The following MYBL1 variants were observed in gnomAD, a reference collection of about 807,000 sequenced individuals.
The protein encoded by MYBL1 is myb-related protein A.
MYBL1 carries 17 observed loss-of-function variants against 96.3 expected under a neutral mutation model. That is an observed-to-expected ratio of 0.18 (90% CI 0.12 to 0.26). MYBL1 has a LOEUF of 0.26. MYBL1 is among the 10% of genes least tolerant of loss of function. The pLI is 1.00. For synonymous variants in MYBL1, 282 were observed against 292.7 expected, an observed-to-expected ratio of 0.96 and a Z score of 0.37; for missense variants, 701 against 882.9, an observed-to-expected ratio of 0.79 and a Z score of 2.61.
At chr8:66,583,535 A>G (rs73248134) in intron 8 of MYBL1, among the ~76,000 whole-genome samples, 19,026 of 151,916 alleles carry the variant, frequency 0.13, 2,793 homozygotes, top group African/African-American at 0.35. Context: ...TGAGAAGTTG[A>G]CTTTTTAAAG....
chr8:66,602,847 G>A (rs1428846348), intron 1 of MYBL1, among the ~76,000 whole-genome samples: 3 of 143,682 alleles, frequency 2.1e-5, no homozygotes, highest in East Asian at 2.3e-4. Flanking sequence ...CCAGGTTCAC[G>A]CCATTCTCCT....
intron 9 of MYBL1, among the ~76,000 whole-genome samples, chr8:66,578,182 T>C (rs1320107264): frequency 6.6e-6 from 1 of 152,026 alleles, no homozygotes; most frequent in Middle Eastern, 3.2e-3. Flanking sequence ...AAGGACTTCA[T>C]GTCTAAAACA....
At chr8:66,605,047 T>A (rs774835870) in intron 1 of MYBL1, among the ~76,000 whole-genome samples, 43 of 152,122 alleles carry the variant, frequency 2.8e-4, no homozygotes, top group Non-Finnish European at 2.2e-4. Context: ...CCACATTTTT[T>A]AAAAAAAGAG....
chr8:66,583,227 C>T (rs748949558), intron 8 of MYBL1, among the ~76,000 whole-genome samples: 2 of 152,068 alleles, frequency 1.3e-5, no homozygotes, highest in Non-Finnish European at 2.9e-5. Context: ...AAACAACATG[C>T]TCCTGAACAA....
At chr8:66,611,783 G>A (rs1810539895) in intron 1 of MYBL1, among the ~76,000 whole-genome samples, 1 of 152,212 alleles carries the variant, frequency 6.6e-6, no homozygotes, top group Non-Finnish European at 1.5e-5. Context: ...ATTATGTATA[G>A]TTACTGCCAA....
At chr8:66,595,057 G>A (rs1033581671) in intron 6 of MYBL1, among the ~76,000 whole-genome samples, 59 of 152,104 alleles carry the variant, frequency 3.9e-4, no homozygotes, top group Non-Finnish European at 1.0e-4. Context: ...GCCCCATTTT[G>A]AGCTCGTGTA....
intron 9 of MYBL1, among the ~76,000 whole-genome samples, chr8:66,577,228 G>A (rs2129792850): frequency 6.7e-6 from 1 of 149,698 alleles, no homozygotes; most frequent in Non-Finnish European, 1.5e-5. Flanking sequence ...TTCTGGCCAG[G>A]GCAATCAGGC....
intron 8 of MYBL1, among the ~76,000 whole-genome samples, chr8:66,583,838 T>C (rs1809308668): frequency 6.6e-6 from 1 of 152,126 alleles, no homozygotes; most frequent in Non-Finnish European, 1.5e-5. Context: ...CCTATAAAAT[T>C]AAAGCCCAGG....
At position 66,576,389 on chromosome 8, in the gene MYBL1, A is replaced by C. The variant is rs1242617368; in HGVS notation, c.1102-14T>G. 3 of 1,583,516 alleles carry C rather than the reference A, an allele frequency of 1.9e-6. No individual in the cohort carries two copies. The highest frequency in any genetic ancestry group is 2.6e-6 in the Non-Finnish European group (3 of 1,167,946). ...TGCTACAGGATCCTGCAATAAATTA[A>C]ACTGTTAATAAAGTTAATGCTGTAA... On this transcript the variant is annotated splice_polypyrimidine_tract_variant and intron_variant, in intron 9 of 15. Coordinates refer to ENST00000522677, the MANE Select transcript of MYBL1 (RefSeq NM_001080416.4).
chr8:66,579,199 G>A (rs1224558096), intron 9 of MYBL1, among the ~76,000 whole-genome samples: 1 of 151,534 alleles, frequency 6.6e-6, no homozygotes, highest in Non-Finnish European at 1.5e-5. Flanking sequence ...CCTGCATATT[G>A]TGCACATGTA....
chr8:66,584,995 T>A (rs1410402323), intron 8 of MYBL1, among the ~76,000 whole-genome samples: 2 of 152,248 alleles, frequency 1.3e-5, no homozygotes, highest in Non-Finnish European at 2.9e-5. Flanking sequence ...GCAATCTTTA[T>A]CAAAATACCA....
At chr8:66,591,144 C>T (rs780579931) in intron 8 of MYBL1, among the ~76,000 whole-genome samples, 4 of 151,910 alleles carry the variant, frequency 2.6e-5, no homozygotes, top group African/African-American at 4.8e-5. Flanking sequence ...GTCAGGAGAT[C>T]GAGATCATCC....
rs186755856 is a variant in MYBL1, at chr8:66,591,460, T to C, written c.867+980A>G. Among the ~76,000 whole-genome samples, 21 of 152,298 alleles carry C rather than the reference T, an allele frequency of 1.4e-4. No homozygotes were observed. In the East Asian group the frequency reaches 4.0e-3, roughly 29 times the overall value. ...AACCTGCTTAATTCTACTAGAATGA[T>C]TACCTTTGATCCTAACTTAACACTC... On this transcript the variant is annotated intron_variant, in intron 8 of 15. Coordinates refer to ENST00000522677, the MANE Select transcript of MYBL1 (RefSeq NM_001080416.4).
At chr8:66,566,615 TA>T in intron 14 of MYBL1, 68 bp downstream of exon 14, 1 of 1,025,812 alleles carries the variant, frequency 9.7e-7, no homozygotes, top group Non-Finnish European at 1.4e-6. Flanking sequence ...ACACAATGAG[TA>T]AGAAATAAGA....
At chr8:66,595,534 A>G (rs1809816632) in intron 6 of MYBL1, 49 bp downstream of exon 6, 1 of 1,216,536 alleles carries the variant, frequency 8.2e-7, no homozygotes, top group African/African-American at 1.6e-5. Context: ...CTTCCCATAT[A>G]GCAACTTAAG....
At chr8:66,567,450 G>C (rs1312268457) in intron 12 of MYBL1, among the ~76,000 whole-genome samples, 1 of 151,918 alleles carries the variant, frequency 6.6e-6, no homozygotes, top group African/African-American at 2.4e-5. Context: ...TGAGAGCAAT[G>C]GTCAGGTCAT....
intron 10 of MYBL1, among the ~76,000 whole-genome samples, chr8:66,574,417 ACT>A (rs928571497): frequency 2.4e-4 from 36 of 152,246 alleles, no homozygotes; most frequent in African/African-American, 8.7e-4. Context: ...GTGCTTTTTA[ACT>A]CTGAGAGCAG....
chr8:66,612,303 A>AG (rs1810561449), intron 1 of MYBL1: 1 of 155,160 alleles, frequency 6.4e-6, no homozygotes, highest in Non-Finnish European at 1.4e-5. Flanking sequence ...ACATCAAAAA[A>AG]GTCCTCTCAG....
intron 8 of MYBL1, among the ~76,000 whole-genome samples, chr8:66,582,276 T>C (rs1383144190): frequency 1.3e-5 from 2 of 152,018 alleles, no homozygotes; most frequent in African/African-American, 4.8e-5. Context: ...GACCCAACTA[T>C]ATGCTGCCTA....
Sources: gnomAD v4.1 joint callset for allele counts (sites outside exome capture counted in the v4.1 genomes callset) on GRCh38, gnomAD v4.1.1 for gene constraint, MANE v1.5 for transcripts, NCBI Gene and HGNC (gene_info 2026-07-23, HGNC 2026-07-21) for gene names.